Variants in DLGAP2 observed in about 807,000 individuals in gnomAD.
The protein encoded by DLGAP2 is disks large-associated protein 2.
Under a neutral mutation model 100.3 loss-of-function variants are expected in DLGAP2, and 26 were observed. That is an observed-to-expected ratio of 0.26 (90% CI 0.19 to 0.36). The LOEUF (loss-of-function observed/expected upper bound fraction) is 0.36. DLGAP2 is among the 10% of genes least tolerant of loss of function. DLGAP2 has a pLI of 1.00. For missense variants in DLGAP2, 1,858 were observed against 1,453.2 expected, an observed-to-expected ratio of 1.28 and a Z score of -4.53; for synonymous variants, 886 against 630.1, an observed-to-expected ratio of 1.41 and a Z score of -6.08.
At chr8:913,106 T>C (rs1798521222) in intron 2 of DLGAP2, among the ~76,000 whole-genome samples, 1 of 152,226 alleles carries the variant, frequency 6.6e-6, no homozygotes, top group South Asian at 2.1e-4. Context: ...TGATTTATAT[T>C]TGGATGTTGA....
At chr8:1,340,319 A>G (rs748319043) in intron 3 of DLGAP2, among the ~76,000 whole-genome samples, 1 of 152,192 alleles carries the variant, frequency 6.6e-6, no homozygotes, top group Non-Finnish European at 1.5e-5. Flanking sequence ...ATGGGAGAAA[A>G]TTTTTGCAAA....
intron 2 of DLGAP2, among the ~76,000 whole-genome samples, chr8:1,195,450 G>A (rs1057323509): frequency 6.6e-6 from 1 of 152,208 alleles, no homozygotes; most frequent in African/African-American, 2.4e-5. Context: ...AGGCTGCACA[G>A]TGAACCAGGA....
chr8:1,019,037 A>T (rs1459450821), intron 2 of DLGAP2: 1 of 152,166 alleles, frequency 6.6e-6, no homozygotes, highest in African/African-American at 2.4e-5. Context: ...AGCGACTGAG[A>T]AGGTCAGTCC....
intron 3 of DLGAP2, among the ~76,000 whole-genome samples, chr8:1,287,694 A>AGTGTGTGT (rs1271962722): frequency 2.8e-4 from 16 of 57,724 alleles, no homozygotes; most frequent in Admixed American, 5.1e-4. Flanking sequence ...GTTTCGGTTC[A>AGTGTGTGT]GTGTGTGTGT....
chr8:1,606,489 C>T (rs1796804774), intron 6 of DLGAP2, among the ~76,000 whole-genome samples: 1 of 152,190 alleles, frequency 6.6e-6, no homozygotes, highest in African/African-American at 2.4e-5. Context: ...AATACTGTAT[C>T]TTTGTGTCTG....
At chr8:1,271,615 A>T (rs568727113) in intron 3 of DLGAP2, among the ~76,000 whole-genome samples, 1 of 152,180 alleles carries the variant, frequency 6.6e-6, no homozygotes, top group South Asian at 2.1e-4. Context: ...TACTCTAATG[A>T]TGATGAATAT....
chr8:1,313,259 G>T (rs977616456), intron 3 of DLGAP2, among the ~76,000 whole-genome samples: 1 of 152,232 alleles, frequency 6.6e-6, no homozygotes, highest in African/African-American at 2.4e-5. Context: ...CTGGAATCTT[G>T]TTGTTGTTCA....
At chr8:756,019 T>A (rs984275649) in intron 1 of DLGAP2, among the ~76,000 whole-genome samples, 7 of 152,176 alleles carry the variant, frequency 4.6e-5, no homozygotes, top group Non-Finnish European at 1.0e-4. Flanking sequence ...TGTTTTAGGT[T>A]ATAACCGGTA....
intron 2 of DLGAP2, among the ~76,000 whole-genome samples, chr8:1,138,538 G>C (rs1376651669): frequency 6.6e-6 from 1 of 152,236 alleles, no homozygotes; most frequent in African/African-American, 2.4e-5. Flanking sequence ...CTGGCAAGCA[G>C]AGAGGGACAC....
chr8:1,363,996 G>C (rs1245437854), intron 3 of DLGAP2, among the ~76,000 whole-genome samples: 1 of 152,168 alleles, frequency 6.6e-6, no homozygotes, highest in Non-Finnish European at 1.5e-5. Context: ...CTCATCCTCT[G>C]TCAGGTGCAC....
intron 4 of DLGAP2, among the ~76,000 whole-genome samples, chr8:1,501,833 A>G (rs544421899): frequency 3.3e-5 from 5 of 152,246 alleles, no homozygotes; most frequent in African/African-American, 1.2e-4. Flanking sequence ...CTGGCCCCAC[A>G]CACTGGGGTC....
chr8:1,568,614 C>T (rs79889618), intron 6 of DLGAP2, among the ~76,000 whole-genome samples: 5,529 of 129,502 alleles, frequency 0.043, 343 homozygotes, highest in African/African-American at 0.11. Flanking sequence ...TGCCACTGTT[C>T]ACTCAGCAGA....
At chr8:1,058,936 T>C (rs1427847459) in intron 2 of DLGAP2, among the ~76,000 whole-genome samples, 4 of 152,178 alleles carry the variant, frequency 2.6e-5, no homozygotes, top group Admixed American at 2.6e-4. Flanking sequence ...TGTTAGAAGC[T>C]TGAGGTGGAA....
intron 5 of DLGAP2, among the ~76,000 whole-genome samples, chr8:1,555,207 C>A (rs923174116): frequency 5.3e-5 from 8 of 152,272 alleles, no homozygotes; most frequent in Admixed American, 4.6e-4. Context: ...GACGCACAAC[C>A]CTGCACAATC....
intron 3 of DLGAP2, among the ~76,000 whole-genome samples, chr8:1,469,792 C>T (rs78179547): frequency 0.026 from 4,010 of 152,192 alleles, 165 homozygotes; most frequent in African/African-American, 0.092. Flanking sequence ...TTGAGAGGAA[C>T]CAACTTTAAA....
chr8:1,416,744 C>A (rs543423306), intron 3 of DLGAP2, among the ~76,000 whole-genome samples: 1 of 152,128 alleles, frequency 6.6e-6, no homozygotes, highest in African/African-American at 2.4e-5. Context: ...GAAAAGGAAT[C>A]GGACGTGTTG....
Position 1,488,678 on chromosome 8 carries a change from G to T in DLGAP2, c.107-12688G>T, listed in dbSNP as rs1475300784. Among the ~76,000 whole-genome samples the T allele has an allele frequency of 2.0e-5, 3 of 152,318 alleles. No individual in the cohort carries two copies. In the South Asian group the frequency reaches 6.2e-4, roughly 32 times the overall value. The stretch of plus-strand genomic sequence containing the variant: ...TGCAGGTTCTCATCCATGCTGCCAC[G>T]GAGTAGTTGTGGGATTTTAATTCTA... On this transcript the variant is annotated intron_variant, in intron 3 of 14. Coordinates refer to ENST00000637795, the MANE Select transcript of DLGAP2 (RefSeq NM_001346810.2).
chr8:1,020,784 G>T (rs1441942642), intron 2 of DLGAP2, among the ~76,000 whole-genome samples: 1 of 152,168 alleles, frequency 6.6e-6, no homozygotes, highest in Non-Finnish European at 1.5e-5. Context: ...GGAGAGCTGG[G>T]GCTCCAGCCA....
chr8:1,382,924 C>T (rs890159944), intron 3 of DLGAP2, among the ~76,000 whole-genome samples: 8 of 150,836 alleles, frequency 5.3e-5, no homozygotes, highest in Admixed American at 1.3e-4. Flanking sequence ...TGTGTGTGTG[C>T]GTGTGTGTGT....
Sources: allele counts gnomAD v4.1 joint callset (sites outside exome capture counted in the v4.1 genomes callset), GRCh38; gene constraint gnomAD v4.1.1; transcripts MANE v1.5; gene names NCBI Gene and HGNC (gene_info 2026-07-23, HGNC 2026-07-21).